SLC35F5: variants seen among roughly 807,000 people sequenced by gnomAD.
The protein encoded by SLC35F5 is HCV NS5A-transactivated protein 3.
SLC35F5 carries 54 observed loss-of-function variants against 68.6 expected under a neutral mutation model. That is an observed-to-expected ratio of 0.79 (90% CI 0.63 to 0.99). The LOEUF (loss-of-function observed/expected upper bound fraction) is 0.99, where lower values mean the gene tolerates loss of function less well. Among genes scored for constraint, SLC35F5 ranks in the 50% least tolerant of loss-of-function variants. The pLI, the probability that SLC35F5 is intolerant of heterozygous loss-of-function variation, is 0.00. For synonymous variants in SLC35F5, 211 were observed against 205.2 expected (o/e 1.03, Z -0.24); for missense variants, 567 against 626.9 (o/e 0.90, Z 1.02).
intron 3 of SLC35F5, among the ~76,000 whole-genome samples, chr2:113,754,305 G>A (rs13389229): frequency 0.029 from 3,326 of 115,518 alleles, 47 homozygotes; most frequent in African/African-American, 0.064. Context: ...AAAAAAAAAA[G>A]AAAAAAAAAA....
rs920900333 is a variant in SLC35F5 at position 113,708,882 on chromosome 2, G to C, written c.*6336C>G. 3.3e-5 allele frequency among the ~76,000 whole-genome samples: 5 copies of C among 152,120 alleles called. No individual in the cohort carries two copies. The highest frequency in any genetic ancestry group is 1.2e-4 in the African/African-American group (5 of 41,412). ...TTGAACATGCATTAGGTAACCAGGG[G>C]GCAACAGAGTAGGGACTAATAAGGC... On this transcript the variant is annotated 3_prime_UTR_variant, in exon 16 of 16. Transcript: ENST00000245680.
In SLC35F5 at chr2:113,714,975, T is replaced by C. The variant is rs968837698; in HGVS notation, c.*243A>G. The C allele has an allele frequency of 2.6e-5, 4 of 152,612 alleles. No homozygotes were observed. Among genetic ancestry groups the C allele is most frequent in the African/African-American group, 7.2e-5 (3 of 41,456 alleles). 9.5% of individuals were successfully genotyped at this position (152,612 alleles called of 1,614,324 possible). On this transcript the variant is annotated 3_prime_UTR_variant, in exon 16 of 16. Coordinates refer to ENST00000245680, the MANE Select transcript of SLC35F5 (RefSeq NM_025181.5). ...GAGATGTGTAAGGCAGGTTGGTCCT[T>C]TGGATGGACTGTAGACTGAAACTTC... is the stretch of plus-strand genomic sequence containing the variant.
At chr2:113,732,441 G>C (rs1687932600) in intron 9 of SLC35F5, among the ~76,000 whole-genome samples, 1 of 151,852 alleles carries the variant, frequency 6.6e-6, no homozygotes, top group Admixed American at 6.6e-5. Context: ...AAAAAAATTA[G>C]CCTAATTCTC....
intron 14 of SLC35F5, among the ~76,000 whole-genome samples, chr2:113,718,449 A>G (rs548851456): frequency 2.6e-5 from 4 of 152,346 alleles, no homozygotes; most frequent in South Asian, 4.1e-4. Flanking sequence ...CTATTCTATC[A>G]TGAATTATGT....
chr2:113,713,109 T>C lies in SLC35F5; in HGVS notation c.*2109A>G, dbSNP rs1469278062. The C allele has an allele frequency of 6.6e-6, 1 of 152,148 alleles. No individual in the cohort carries two copies. Among genetic ancestry groups the C allele is most frequent in the Non-Finnish European group, 1.5e-5 (1 of 68,032 alleles). 9.4% of individuals were successfully genotyped at this position (152,148 alleles called of 1,614,324 possible). ...CAAATGCAACAATCATTCAGATAAA[T>C]AAAACCTGTGAGAAAAAGCAAACAG... On this transcript the variant is annotated 3_prime_UTR_variant, in exon 16 of 16. Coordinates refer to ENST00000245680, the MANE Select transcript of SLC35F5 (RefSeq NM_025181.5).
At chr2:113,756,026 T>C in intron 1 of SLC35F5, 1 of 1,491,120 alleles carries the variant, frequency 6.7e-7, no homozygotes, top group Non-Finnish European at 8.9e-7. Context: ...AGAAAAGGAT[T>C]CTCCATGCTC....
intron 11 of SLC35F5, among the ~76,000 whole-genome samples, chr2:113,726,286 T>C (rs182921944): frequency 1.1e-4 from 17 of 152,302 alleles, no homozygotes; most frequent in Admixed American, 2.6e-4. Flanking sequence ...ACATAAAATA[T>C]AGCATAGTAT....
chr2:113,745,089 T>A (rs979183915), intron 5 of SLC35F5, among the ~76,000 whole-genome samples: 5 of 152,206 alleles, frequency 3.3e-5, no homozygotes, highest in African/African-American at 1.2e-4. Context: ...AATCTCTTTG[T>A]TACACTGAAG....
Position 113,746,282 on chromosome 2 carries a change from A to G in SLC35F5, c.475T>C (p.Ser159Pro). ...ACTTDTTMNS[S>P]LSEPLYVPVK... is the part of the protein sequence containing the mutation. ...ACAAGAAAAGAAGCACTTACCAAAG[A>G]ACTATTCATAGTTGTATCTGTTGTG... The change falls in exon 5 of 16, where the codon TCT (serine) becomes CCT (proline). Residue 159 changes from serine (S) to proline (P), a missense_variant. Coordinates refer to ENST00000245680, the MANE Select transcript of SLC35F5 (RefSeq NM_025181.5). The G allele has an allele frequency of 3.7e-6, 6 of 1,612,842 alleles. No individual in the cohort carries two copies. Among genetic ancestry groups the G allele is most frequent in the Non-Finnish European group, 5.1e-6 (6 of 1,179,368 alleles).
At chr2:113,743,245 AG>A (rs1180334584) in intron 6 of SLC35F5, among the ~76,000 whole-genome samples, 1 of 152,184 alleles carries the variant, frequency 6.6e-6, no homozygotes, top group African/African-American at 2.4e-5. Flanking sequence ...CCAATTTACG[AG>A]AATTAGTTTC....
rs558292598 is a variant in SLC35F5, at chr2:113,711,226, A to G, written c.*3992T>C. On this transcript the variant is annotated 3_prime_UTR_variant, in exon 16 of 16. Coordinates refer to ENST00000245680, the MANE Select transcript of SLC35F5 (RefSeq NM_025181.5). ...GGAAATGTTACCATTTCACATGAAC[A>G]TTCCAGTAAATATGCACATAGAGGG... Among the ~76,000 whole-genome samples, 6 of 152,352 alleles carry G rather than the reference A, an allele frequency of 3.9e-5. 1 individual carries two copies. The highest frequency in any genetic ancestry group is 1.4e-4 in the African/African-American group (6 of 41,584).
At chr2:113,702,708 A>C (rs1686720912), downstream of SLC35F5, among the ~76,000 whole-genome samples, 1 of 152,204 alleles carries the variant, frequency 6.6e-6, no homozygotes, top group African/African-American at 2.4e-5. Context: ...TAATATGTTT[A>C]CTTTTTTACA....
At chr2:113,738,942 T>A (rs1688189009) in intron 7 of SLC35F5, among the ~76,000 whole-genome samples, 1 of 152,204 alleles carries the variant, frequency 6.6e-6, no homozygotes, top group African/African-American at 2.4e-5. Context: ...GTGGGCTAAA[T>A]ACAAATATAA....
intron 3 of SLC35F5, among the ~76,000 whole-genome samples, chr2:113,754,163 G>A (rs13389017): frequency 0.14 from 21,676 of 151,740 alleles, 1,663 homozygotes; most frequent in African/African-American, 0.19. Context: ...GGTGGGGTGT[G>A]CCTGTAATCC....
intron 9 of SLC35F5, 48 bp downstream of exon 9, chr2:113,734,538 T>G: frequency 9.5e-7 from 1 of 1,047,402 alleles, no homozygotes; most frequent in Non-Finnish European, 1.4e-6. Context: ...GAAATTGTAA[T>G]ATTGTATTTT....
rs1397333657 is a variant in SLC35F5 at position 113,712,472 on chromosome 2, C to T, written c.*2746G>A. 1.3e-5 allele frequency among the ~76,000 whole-genome samples: 2 copies of T among 152,108 alleles called. No individual in the cohort carries two copies. Among genetic ancestry groups the T allele is most frequent in the East Asian group, 1.9e-4 (1 of 5,186 alleles). Reference sequence around the variant, plus strand: ...GCTGGGACTACAGGCGCCGCCACCACGCCCGGCTAATTCTTTGTATTTTTA... The same window carrying T: ...GCTGGGACTACAGGCGCCGCCACCATGCCCGGCTAATTCTTTGTATTTTTA... On this transcript the variant is annotated 3_prime_UTR_variant, in exon 16 of 16. Coordinates refer to ENST00000245680, the MANE Select transcript of SLC35F5 (RefSeq NM_025181.5).
rs751945802 is a variant in SLC35F5 at position 113,755,341 on chromosome 2, G to T, written c.132-35C>A. 3.1e-6 allele frequency: 5 copies of T among 1,608,300 alleles called. No homozygotes were observed. In the East Asian group the frequency reaches 1.1e-4, roughly 36 times the overall value. ...AGAAAATACAGATCACATTAGAGAT[G>T]ATTTTAGAAAAACAACCATTAAAAA... is the stretch of plus-strand genomic sequence containing the variant. On this transcript the variant is annotated intron_variant, in intron 2 of 15. Transcript: ENST00000245680.
intron 4 of SLC35F5, among the ~76,000 whole-genome samples, chr2:113,747,814 G>A (rs928971267): frequency 2.6e-5 from 4 of 152,092 alleles, no homozygotes; most frequent in East Asian, 1.9e-4. Flanking sequence ...TTATTTGGCC[G>A]GGCGCAGTGG....
Position 113,709,006 on chromosome 2 carries a change from A to G in SLC35F5, c.*6212T>C, listed in dbSNP as rs1686885596. 6.6e-6 allele frequency among the ~76,000 whole-genome samples: 1 copy of G among 152,242 alleles called. No individual in the cohort carries two copies. Among genetic ancestry groups the G allele is most frequent in the Non-Finnish European group, 1.5e-5 (1 of 68,044 alleles). Reference sequence around the variant, plus strand: ...ACTCAAATATAATACAACTTCTTCAATGCTGCTTTATAAATCTGACTGAAA... The same window carrying G: ...ACTCAAATATAATACAACTTCTTCAGTGCTGCTTTATAAATCTGACTGAAA... On this transcript the variant is annotated 3_prime_UTR_variant, in exon 16 of 16. Transcript: ENST00000245680.
Sources: gnomAD v4.1 joint callset for allele counts (sites outside exome capture counted in the v4.1 genomes callset) on GRCh38, gnomAD v4.1.1 for gene constraint, MANE v1.5 for transcripts, NCBI Gene and HGNC (gene_info 2026-07-23, HGNC 2026-07-21) for gene names.